Variants in CNTN5 observed in about 807,000 individuals in gnomAD.
CNTN5 encodes the protein contactin-5.
In CNTN5, 77 loss-of-function variants were observed where a neutral mutation model predicts 129.1. That is an observed-to-expected ratio of 0.60 (90% CI 0.50 to 0.72). The LOEUF is 0.72. Among genes scored for constraint, CNTN5 ranks in the 30% least tolerant of loss-of-function variants. The pLI, the probability that CNTN5 is intolerant of heterozygous loss-of-function variation, is 0.00. For synonymous variants in CNTN5, 509 were observed against 465.6 expected (o/e 1.09, Z -1.20); for missense variants, 1,478 against 1,328.8 (o/e 1.11, Z -1.75).
chr11:99,051,884 A>G (rs1295256318), intron 1 of CNTN5, among the ~76,000 whole-genome samples: 1 of 151,950 alleles, frequency 6.6e-6, no homozygotes, highest in African/African-American at 2.4e-5. Context: ...TAGTCCCACA[A>G]TAATAGGGAA....
chr11:99,538,099 C>T (rs1257167576), intron 2 of CNTN5, among the ~76,000 whole-genome samples: 1 of 152,158 alleles, frequency 6.6e-6, no homozygotes, highest in Non-Finnish European at 1.5e-5. Context: ...TGGACTTTTA[C>T]ATCTTACACT....
At chr11:99,581,453 T>A (rs1332780752) in intron 3 of CNTN5, among the ~76,000 whole-genome samples, 33 of 142,704 alleles carry the variant, frequency 2.3e-4, no homozygotes, top group African/African-American at 6.6e-4. Flanking sequence ...CCCATTATTA[T>A]TGTGTGGGAG....
chr11:99,607,787 C>T (rs1443808549), intron 3 of CNTN5, among the ~76,000 whole-genome samples: 1 of 132,860 alleles, frequency 7.5e-6, no homozygotes, highest in Non-Finnish European at 1.7e-5. Flanking sequence ...ATGATGAGTT[C>T]ATATCCTTTG....
chr11:99,095,024 G>A (rs1490158156), intron 1 of CNTN5, among the ~76,000 whole-genome samples: 1 of 151,594 alleles, frequency 6.6e-6, no homozygotes, highest in Non-Finnish European at 1.5e-5. Flanking sequence ...GGATACATGT[G>A]CAGAACATGC....
chr11:99,747,693 C>T (rs955979997), intron 3 of CNTN5, among the ~76,000 whole-genome samples: 10 of 152,008 alleles, frequency 6.6e-5, no homozygotes, highest in Non-Finnish European at 1.0e-4. Flanking sequence ...CAGGATGGTT[C>T]GATCTCCTGA....
chr11:99,305,770 C>T (rs1013458313), intron 1 of CNTN5, among the ~76,000 whole-genome samples: 1 of 151,868 alleles, frequency 6.6e-6, no homozygotes, highest in South Asian at 2.1e-4. Flanking sequence ...CACCTGAGGT[C>T]GGGAGTTCGG....
chr11:99,864,041 C>T (rs867150017), intron 6 of CNTN5, among the ~76,000 whole-genome samples: 1 of 152,130 alleles, frequency 6.6e-6, no homozygotes, highest in South Asian at 2.1e-4. Context: ...ATCCCTGAGT[C>T]TGGGATCCGG....
chr11:99,525,135 A>G (rs1947436622), intron 2 of CNTN5, among the ~76,000 whole-genome samples: 1 of 143,878 alleles, frequency 7.0e-6, no homozygotes, highest in African/African-American at 2.5e-5. Context: ...TGAAAAGCCA[A>G]TTTAAAGGGA....
At chr11:100,072,920 T>C (rs906235565) in intron 12 of CNTN5, among the ~76,000 whole-genome samples, 9 of 144,274 alleles carry the variant, frequency 6.2e-5, no homozygotes, top group East Asian at 2.2e-4. Context: ...CCCTGAAACA[T>C]TTCTCAAACC....
intron 7 of CNTN5, among the ~76,000 whole-genome samples, chr11:99,918,000 A>G (rs181769215): frequency 4.9e-4 from 74 of 152,060 alleles, no homozygotes; most frequent in African/African-American, 1.7e-3. Context: ...CAGTCTCTCA[A>G]TTGCCATATT....
chr11:99,873,202 G>T (rs1466423923), intron 6 of CNTN5, among the ~76,000 whole-genome samples: 1 of 151,728 alleles, frequency 6.6e-6, no homozygotes, highest in Non-Finnish European at 1.5e-5. Flanking sequence ...AATTTAAATT[G>T]TTACTTCCTT....
chr11:100,155,036 T>G (rs1333352487), intron 13 of CNTN5, among the ~76,000 whole-genome samples: 3 of 152,172 alleles, frequency 2.0e-5, no homozygotes, highest in African/African-American at 7.2e-5. Flanking sequence ...TAGATCCCAT[T>G]AGTCAATTTT....
chr11:100,340,661 G>A lies in CNTN5; in HGVS notation c.2917+12G>A. 1 of 1,579,016 alleles carries A rather than the reference G, an allele frequency of 6.3e-7. No individual in the cohort carries two copies. The highest frequency in any genetic ancestry group is 8.6e-7 in the Non-Finnish European group (1 of 1,165,478). On this transcript the variant is annotated intron_variant, in intron 22 of 24. Coordinates refer to ENST00000524871, the MANE Select transcript of CNTN5 (RefSeq NM_014361.4). The stretch of plus-strand genomic sequence containing the variant: ...CACCAAGAAATCCCGTAAGTGACCT[G>A]GGCTTTTTGTTTGTTTCAGACAAAG...
At chr11:99,884,936 C>T (rs1482086203) in intron 6 of CNTN5, among the ~76,000 whole-genome samples, 3 of 151,994 alleles carry the variant, frequency 2.0e-5, no homozygotes, top group Non-Finnish European at 2.9e-5. Flanking sequence ...GATGTAGTAC[C>T]ACTGCACTCC....
At chr11:99,347,701 G>A (rs901465008) in intron 2 of CNTN5, among the ~76,000 whole-genome samples, 1 of 145,042 alleles carries the variant, frequency 6.9e-6, no homozygotes, top group Non-Finnish European at 1.5e-5. Context: ...GCATTTTTTT[G>A]GTAACTAAAT....
chr11:99,881,725 A>G (rs1948777360), intron 6 of CNTN5, among the ~76,000 whole-genome samples: 1 of 152,224 alleles, frequency 6.6e-6, no homozygotes, highest in Non-Finnish European at 1.5e-5. Flanking sequence ...TTTTACTGGT[A>G]CAGAAGCTGC....
At chr11:99,287,234 T>G (rs1484537912) in intron 1 of CNTN5, among the ~76,000 whole-genome samples, 2 of 152,180 alleles carry the variant, frequency 1.3e-5, no homozygotes, top group Admixed American at 6.6e-5. Context: ...CATTTTATCC[T>G]TTCAATTAGG....
intron 18 of CNTN5, among the ~76,000 whole-genome samples, chr11:100,283,234 G>T (rs1025262323): frequency 3.3e-5 from 5 of 152,110 alleles, no homozygotes; most frequent in African/African-American, 1.2e-4. Flanking sequence ...AGGAGCTAGG[G>T]TCTGAAAAGA....
chr11:99,596,565 T>G (rs1950133068), intron 3 of CNTN5, among the ~76,000 whole-genome samples: 1 of 152,186 alleles, frequency 6.6e-6, no homozygotes, highest in Non-Finnish European at 1.5e-5. Context: ...GCAAATTATC[T>G]TAAAGAAATG....
Sources: gnomAD v4.1 joint callset for allele counts (sites outside exome capture counted in the v4.1 genomes callset) on GRCh38, gnomAD v4.1.1 for gene constraint, MANE v1.5 for transcripts, NCBI Gene and HGNC (gene_info 2026-07-23, HGNC 2026-07-21) for gene names.